PRRC2C: variants seen among roughly 807,000 people sequenced by gnomAD.
PRRC2C encodes protein PRRC2C.
PRRC2C carries 72 observed loss-of-function variants against 317.2 expected under a neutral mutation model. The ratio of observed to expected loss-of-function variants is 0.23; its 90% CI spans 0.19 to 0.28. PRRC2C has a LOEUF of 0.28. Among genes scored for constraint, PRRC2C ranks in the 10% least tolerant of loss-of-function variants. The probability of loss-of-function intolerance (pLI) is 1.00; values close to 1 mark genes in which losing one functional copy is unlikely to be tolerated. For missense variants in PRRC2C, 3,074 were observed against 3,459.7 expected (o/e 0.89, Z 2.80); for synonymous variants, 1,296 against 1,205.9 (o/e 1.07, Z -1.55).
rs752488384 is a variant in PRRC2C at position 171,587,744 on chromosome 1, C to A, written c.8065C>A (p.Pro2689Thr). The change falls in exon 32 of 35, where the codon CCC (proline) becomes ACC (threonine). Residue 2689 changes from proline to threonine, a missense_variant. Coordinates refer to ENST00000647382, the MANE Select transcript of PRRC2C (RefSeq NM_001387844.1). ...AGRSTTPTSS[P>T]FRATSTSPNS... ...TAGAAGCACCACACCAACATCTAGT[C>A]CCTTCCGGTAAAATGGGCATTTAAA... The A allele has an allele frequency of 6.2e-7, 1 of 1,606,220 alleles. No individual in the cohort carries two copies. Among genetic ancestry groups the A allele is most frequent in the Non-Finnish European group, 8.5e-7 (1 of 1,173,450 alleles).
Position 171,500,700 on chromosome 1 carries a change from A to T in PRRC2C, c.-57-11332A>T, listed in dbSNP as rs145224850. Among the ~76,000 whole-genome samples, 60 of 152,308 alleles carry T rather than the reference A, an allele frequency of 3.9e-4. No homozygotes were observed. In the East Asian group the frequency reaches 0.011, roughly 27 times the overall value. Reference sequence around the variant, plus strand: ...TTCAGTGTCATTCTTTGATTTTAAAAGGTTAATGTATATATTAAACTGCTG... The same window carrying T: ...TTCAGTGTCATTCTTTGATTTTAAATGGTTAATGTATATATTAAACTGCTG... On this transcript the variant is annotated intron_variant, in intron 1 of 34. Coordinates refer to ENST00000647382, the MANE Select transcript of PRRC2C (RefSeq NM_001387844.1).
intron 25 of PRRC2C, among the ~76,000 whole-genome samples, chr1:171,576,635 C>T (rs1685742072): frequency 6.6e-6 from 1 of 151,668 alleles, no homozygotes; most frequent in African/African-American, 2.4e-5. Flanking sequence ...TACTATATAC[C>T]AGGTGGTTTT....
At chr1:171,518,205 C>G (rs562816254) in intron 6 of PRRC2C, among the ~76,000 whole-genome samples, 106 of 152,282 alleles carry the variant, frequency 7.0e-4, no homozygotes, top group Non-Finnish European at 1.2e-3. Flanking sequence ...AGATAATGAT[C>G]TAATAAAGAA....
At chr1:171,507,146 C>A (rs1670407301) in intron 1 of PRRC2C, among the ~76,000 whole-genome samples, 1 of 152,126 alleles carries the variant, frequency 6.6e-6, no homozygotes, top group Non-Finnish European at 1.5e-5. Context: ...GTAATCCCAC[C>A]TACTGGGAAG....
In PRRC2C at chr1:171,566,316, A is replaced by G. The variant is rs748797132; in HGVS notation, c.6201A>G (p.Glu2067=). The G allele has an allele frequency of 6.2e-7, 1 of 1,607,856 alleles. No homozygotes were observed. The highest frequency in any genetic ancestry group is 1.1e-5 in the South Asian group (1 of 89,412). The change falls in exon 21 of 35, where the codon GAA becomes GAG. Residue 2067 remains glutamate (E), a synonymous_variant. Transcript: ENST00000647382. The part of the protein sequence containing the change: ...QFGAPASNGN[E]NEVVPVLSEK... Reference sequence around the variant, plus strand: ...GTGCTCCAGCCTCAAATGGAAATGAAAATGAAGTTGTTCCTGTGCTTTCGG... The same window carrying G: ...GTGCTCCAGCCTCAAATGGAAATGAGAATGAAGTTGTTCCTGTGCTTTCGG...
At chr1:171,534,611 C>CT (rs1017916047) in intron 12 of PRRC2C, among the ~76,000 whole-genome samples, 53 of 148,084 alleles carry the variant, frequency 3.6e-4, no homozygotes, top group African/African-American at 5.0e-4. Context: ...ATTTTCCATT[C>CT]TTTTTTTTTT....
At chr1:171,549,989 GTTTTT>G (rs11358319) in intron 17 of PRRC2C, 92 bp from the exon 18 acceptor site, 13 of 719,146 alleles carry the variant, frequency 1.8e-5, no homozygotes, top group African/African-American at 5.6e-5. Flanking sequence ...CCTTTGGCTA[GTTTTT>G]TTTTTTTTTT....
intron 1 of PRRC2C, among the ~76,000 whole-genome samples, chr1:171,494,031 C>G (rs1667668180): frequency 6.6e-6 from 1 of 152,126 alleles, no homozygotes; most frequent in Non-Finnish European, 1.5e-5. Flanking sequence ...CTGTGGTCAC[C>G]TAGCTACTAA....
rs74122881 is a variant in PRRC2C at position 171,581,721 on chromosome 1, C to T, written c.7409+1757C>T. Among the ~76,000 whole-genome samples, 469 of 152,248 alleles carry T rather than the reference C, an allele frequency of 3.1e-3. 1 individual carries two copies. Among genetic ancestry groups the T allele is most frequent in the African/African-American group, 0.011 (447 of 41,542 alleles). On this transcript the variant is annotated intron_variant, in intron 28 of 34. Coordinates refer to ENST00000647382, the MANE Select transcript of PRRC2C (RefSeq NM_001387844.1). ...GCAGTATATTCATGTTTTCTTACCT[C>T]GTGTTTGAAACATAAATTATAAGTA... is the stretch of plus-strand genomic sequence containing the variant.
intron 11 of PRRC2C, 128 bp downstream of exon 11, chr1:171,527,972 C>T (rs1674971551): frequency 1.5e-6 from 1 of 681,428 alleles, no homozygotes; most frequent in Non-Finnish European, 2.6e-6. Context: ...GTGACTCTTA[C>T]ATGTCTTACT....
intron 6 of PRRC2C, among the ~76,000 whole-genome samples, chr1:171,518,494 A>ATTTTTTTTCAAT (rs1259675109): frequency 4.1e-5 from 3 of 72,580 alleles, no homozygotes; most frequent in Admixed American, 3.5e-4. Context: ...TTTTTTTTCA[A>ATTTTTTTTCAAT]TTTTTTTTTT....
chr1:171,534,776 G>A (rs1474905949), intron 12 of PRRC2C, among the ~76,000 whole-genome samples: 1 of 152,058 alleles, frequency 6.6e-6, no homozygotes, highest in African/African-American at 2.4e-5. Flanking sequence ...CAATAAAAAT[G>A]TTATTTGTGA....
intron 1 of PRRC2C, among the ~76,000 whole-genome samples, chr1:171,499,564 G>C (rs1432154261): frequency 6.6e-6 from 1 of 152,198 alleles, no homozygotes; most frequent in African/African-American, 2.4e-5. Context: ...TACTACTCAG[G>C]AGGCCGAGGC....
At chr1:171,551,862 T>G (rs1680311370) in intron 18 of PRRC2C, among the ~76,000 whole-genome samples, 1 of 152,234 alleles carries the variant, frequency 6.6e-6, no homozygotes, top group Admixed American at 6.5e-5. Flanking sequence ...TTGGTTACTG[T>G]AGACTTGTAG....
intron 24 of PRRC2C, among the ~76,000 whole-genome samples, chr1:171,572,152 A>T (rs996814278): frequency 2.0e-5 from 3 of 151,688 alleles, no homozygotes; most frequent in East Asian, 3.9e-4. Context: ...TTTTTAATTT[A>T]AAAAAAAATT....
intron 10 of PRRC2C, 81 bp downstream of exon 10, chr1:171,525,046 C>A: frequency 8.5e-7 from 1 of 1,180,520 alleles, no homozygotes; most frequent in Non-Finnish European, 1.1e-6. Context: ...GATAATTATT[C>A]TTACCACAGA....
chr1:171,581,500 G>C (rs1438493864), intron 28 of PRRC2C, among the ~76,000 whole-genome samples: 1 of 152,202 alleles, frequency 6.6e-6, no homozygotes, highest in Non-Finnish European at 1.5e-5. Flanking sequence ...TTTAAGACCA[G>C]ACGTGGTCAA....
chr1:171,587,162 C>G lies in PRRC2C; in HGVS notation c.7909C>G (p.Pro2637Ala). ...SLSRPAQVSQ[P>A]FRGLIPAGTQ... The stretch of plus-strand genomic sequence containing the variant: ...GAGTCGTCCTGCACAAGTAAGCCAG[C>G]CTTTCAGAGGATTAATTCCTGCTGG... The change falls in exon 31 of 35, where the codon CCT (proline) becomes GCT (alanine). Residue 2637 changes from proline (P) to alanine (A), a missense_variant. Physicochemically the swap from Pro to Ala is conservative, Grantham distance 27. Around this residue, in one of 11 missense-constraint regions of PRRC2C, gnomAD observed 490 missense variants for 663.1 expected, o/e 0.74. Coordinates refer to ENST00000647382, the MANE Select transcript of PRRC2C (RefSeq NM_001387844.1). 1.2e-6 allele frequency: 2 copies of G among 1,610,670 alleles called. No homozygotes were observed. The highest frequency in any genetic ancestry group is 1.7e-6 in the Non-Finnish European group (2 of 1,178,524).
intron 10 of PRRC2C, among the ~76,000 whole-genome samples, chr1:171,526,805 CTT>C (rs938229816): frequency 9.4e-4 from 85 of 90,194 alleles, no homozygotes; most frequent in African/African-American, 3.5e-3. Context: ...AGAAATATAT[CTT>C]TTTTTTTTTT....
Sources: gnomAD v4.1 joint callset for allele counts (sites outside exome capture counted in the v4.1 genomes callset) on GRCh38, gnomAD v4.1.1 for gene constraint, gnomAD v4.1.1 regional missense constraint, MANE v1.5 for transcripts, NCBI Gene and HGNC (gene_info 2026-07-23, HGNC 2026-07-21) for gene names.